The following CNTN4 variants were observed in gnomAD, a reference collection of about 807,000 sequenced individuals.
CNTN4 encodes the protein contactin-4.
A neutral mutation model predicts 122.5 loss-of-function variants in CNTN4; 77 were observed. The ratio of observed to expected loss-of-function variants is 0.63; its 90% CI spans 0.52 to 0.76. The LOEUF (loss-of-function observed/expected upper bound fraction) is 0.76, where lower values mean the gene tolerates loss of function less well. CNTN4 is among the 30% of genes least tolerant of loss of function. The pLI, the probability that CNTN4 is intolerant of heterozygous loss-of-function variation, is 0.00. For missense variants in CNTN4, 1,256 were observed against 1,259.1 expected, an observed-to-expected ratio of 1.00 and a Z score of 0.04; for synonymous variants, 512 against 447.0, an observed-to-expected ratio of 1.15 and a Z score of -1.83.
intron 3 of CNTN4, among the ~76,000 whole-genome samples, chr3:2,457,113 G>A (rs1392926135): frequency 6.6e-6 from 1 of 152,022 alleles, no homozygotes; most frequent in African/African-American, 2.4e-5. Context: ...CTTTTGTTGC[G>A]TCAGCTTCAG....
At chr3:2,631,881 AAAAAAAAC>A (rs1182155581) in intron 4 of CNTN4, among the ~76,000 whole-genome samples, 11 of 150,360 alleles carry the variant, frequency 7.3e-5, no homozygotes, top group African/African-American at 2.7e-4. Context: ...AAAAAAAACA[AAAAAAAAC>A]AACAACTAAA....
At chr3:2,852,858 A>G (rs1270707047) in intron 7 of CNTN4, among the ~76,000 whole-genome samples, 1 of 152,216 alleles carries the variant, frequency 6.6e-6, no homozygotes, top group Admixed American at 6.5e-5. Context: ...TAATCATCAG[A>G]TGCCCACTTT....
At chr3:2,870,977 G>C (rs1031517044) in intron 8 of CNTN4, among the ~76,000 whole-genome samples, 1 of 152,110 alleles carries the variant, frequency 6.6e-6, no homozygotes, top group Non-Finnish European at 1.5e-5. Context: ...ACTCACCCGA[G>C]TCCTGCAAAA....
At chr3:2,888,330 TC>T (rs2094001246) in intron 10 of CNTN4, among the ~76,000 whole-genome samples, 1 of 152,098 alleles carries the variant, frequency 6.6e-6, no homozygotes, top group Non-Finnish European at 1.5e-5. Context: ...GAGCCTTTCT[TC>T]CCTAAGGGCT....
intron 14 of CNTN4, among the ~76,000 whole-genome samples, chr3:3,012,622 T>A (rs1339696123): frequency 6.6e-6 from 1 of 152,038 alleles, no homozygotes; most frequent in Non-Finnish European, 1.5e-5. Flanking sequence ...GCTAATTTTT[T>A]GTATTTTTAG....
chr3:2,885,411 A>G (rs2093961540), intron 9 of CNTN4, among the ~76,000 whole-genome samples: 1 of 152,158 alleles, frequency 6.6e-6, no homozygotes, highest in Admixed American at 6.6e-5. Context: ...TCCCCAACCC[A>G]TCTTGCAAAT....
chr3:2,958,117 C>G (rs1459438524), intron 13 of CNTN4, among the ~76,000 whole-genome samples: 2 of 152,160 alleles, frequency 1.3e-5, no homozygotes, highest in African/African-American at 4.8e-5. Context: ...TGTAGCATCT[C>G]TAGGCCCAGG....
chr3:2,402,377 C>G (rs1352929686), intron 3 of CNTN4, among the ~76,000 whole-genome samples: 1 of 151,920 alleles, frequency 6.6e-6, no homozygotes, highest in Non-Finnish European at 1.5e-5. Flanking sequence ...AAGTCTTTTC[C>G]TCCTCCATCT....
At chr3:2,947,957 G>A (rs1274961150) in intron 13 of CNTN4, among the ~76,000 whole-genome samples, 4 of 152,136 alleles carry the variant, frequency 2.6e-5, no homozygotes, top group Admixed American at 2.6e-4. Context: ...AAATGAATAT[G>A]TGCTGGGTGC....
chr3:2,167,706 A>C (rs1263945448), intron 2 of CNTN4, among the ~76,000 whole-genome samples: 3 of 152,220 alleles, frequency 2.0e-5, no homozygotes, highest in Non-Finnish European at 4.4e-5. Context: ...AAATAAAGTA[A>C]ATATGATGAC....
intron 3 of CNTN4, among the ~76,000 whole-genome samples, chr3:2,376,092 C>CTAT (rs2045805669): frequency 6.6e-6 from 1 of 152,100 alleles, no homozygotes; most frequent in Non-Finnish European, 1.5e-5. Context: ...TAAACACTTA[C>CTAT]TATTCTGTTA....
intron 3 of CNTN4, among the ~76,000 whole-genome samples, chr3:2,551,543 A>G (rs567832179): frequency 1.1e-4 from 17 of 152,166 alleles, no homozygotes; most frequent in Non-Finnish European, 2.5e-4. Context: ...GATTTTCATC[A>G]CCTTAATACT....
chr3:2,290,955 A>G lies in CNTN4; in HGVS notation c.-144-48223A>G, dbSNP rs142163033. Among the ~76,000 whole-genome samples, 1,005 of 152,308 alleles carry G rather than the reference A, an allele frequency of 6.6e-3. 15 individuals carry two copies. The highest frequency in any genetic ancestry group is 0.023 in the African/African-American group (953 of 41,570). On this transcript the variant is annotated intron_variant, in intron 2 of 24. Transcript: ENST00000418658. ...TTTTAAAATGACATGTGAAAGCCTT[A>G]CATTATAAATTAAATCACCATCTCA...
In CNTN4 at chr3:2,385,805, C is replaced by A. The variant is rs539784908; in HGVS notation, c.-89+46572C>A. 2.0e-5 allele frequency among the ~76,000 whole-genome samples: 3 copies of A among 152,026 alleles called. No homozygotes were observed. Among genetic ancestry groups the A allele is most frequent in the Non-Finnish European group, 4.4e-5 (3 of 68,032 alleles). On this transcript the variant is annotated intron_variant, in intron 3 of 24. Transcript: ENST00000418658. This position sits in a 1 kb window ranked among gnomAD's most constrained non-coding sequence, Gnocchi z 4.0. The stretch of plus-strand genomic sequence containing the variant: ...CTTAACTTGGTTACATTTGCAAAGA[C>A]CCTGCTTCCAAATAAGGTCACATTC...
chr3:2,813,426 C>G (rs573300754), intron 6 of CNTN4, among the ~76,000 whole-genome samples: 2 of 152,276 alleles, frequency 1.3e-5, no homozygotes, highest in Non-Finnish European at 2.9e-5. Context: ...TATTTTTTTA[C>G]TTGCATTAAA....
At chr3:2,367,962 G>T (rs1170392156) in intron 3 of CNTN4, among the ~76,000 whole-genome samples, 1 of 151,174 alleles carries the variant, frequency 6.6e-6, no homozygotes, top group African/African-American at 2.4e-5. Flanking sequence ...ATTTAAGCAT[G>T]AACCTTCTCA....
intron 3 of CNTN4, among the ~76,000 whole-genome samples, chr3:2,533,594 A>G (rs1386205672): frequency 6.6e-6 from 1 of 152,196 alleles, no homozygotes; most frequent in East Asian, 1.9e-4. Flanking sequence ...CACAATAAAC[A>G]TATGTGTGCA....
At chr3:2,572,585 G>T (rs1272490022) in intron 4 of CNTN4, among the ~76,000 whole-genome samples, 1 of 152,122 alleles carries the variant, frequency 6.6e-6, no homozygotes, top group Non-Finnish European at 1.5e-5. Context: ...TAGTCTAGTT[G>T]ACTTGTTTTG....
chr3:2,689,860 C>T (rs2085634129), intron 4 of CNTN4, among the ~76,000 whole-genome samples: 1 of 152,112 alleles, frequency 6.6e-6, no homozygotes. Flanking sequence ...AAAATTCTTA[C>T]CGGTTCACTG....
Sources: allele counts gnomAD v4.1 joint callset (sites outside exome capture counted in the v4.1 genomes callset), GRCh38; gene constraint gnomAD v4.1.1; non-coding constraint Gnocchi (gnomAD v3.1); transcripts MANE v1.5; gene names NCBI Gene and HGNC (gene_info 2026-07-23, HGNC 2026-07-21).